The following NIM1K variants were observed in gnomAD, a reference collection of about 807,000 sequenced individuals.
NIM1K encodes serine/threonine-protein kinase NIM1.
NIM1K carries 35 observed loss-of-function variants against 37.1 expected under a neutral mutation model. That is an observed-to-expected ratio of 0.94 (90% CI 0.72 to 1.25). The LOEUF is 1.25. Among genes scored for constraint, NIM1K ranks in the 50% most tolerant of loss-of-function variants. The pLI, the probability that NIM1K is intolerant of heterozygous loss-of-function variation, is 0.00. For synonymous variants in NIM1K, 234 were observed against 206.6 expected, an observed-to-expected ratio of 1.13 and a Z score of -1.14; for missense variants, 564 against 548.0, an observed-to-expected ratio of 1.03 and a Z score of -0.29.
chr5:43,263,791 C>T (rs1753075345), intron 2 of NIM1K, among the ~76,000 whole-genome samples: 1 of 152,114 alleles, frequency 6.6e-6, no homozygotes, highest in South Asian at 2.1e-4. Context: ...CACTGCTTTA[C>T]ATGTATCCCA....
chr5:43,211,619 A>T lies in NIM1K; in HGVS notation c.-695+19208A>T, dbSNP rs988959755. Among the ~76,000 whole-genome samples the T allele has an allele frequency of 4.6e-5, 7 of 152,230 alleles. No homozygotes were observed. The South Asian group carries it at 8.3e-4, about 18-fold the overall frequency. On this transcript the variant is annotated intron_variant, in intron 1 of 3. Coordinates refer to ENST00000326035, the MANE Select transcript of NIM1K (RefSeq NM_153361.4). Reference sequence around the variant, plus strand: ...TGTGAGACCTCAAGTACTTGGAGACATCTCAAATATAGGGCATATGGAGGG... The same window carrying T: ...TGTGAGACCTCAAGTACTTGGAGACTTCTCAAATATAGGGCATATGGAGGG...
In NIM1K at chr5:43,232,524, G is replaced by C. The variant is rs1579969746; in HGVS notation, c.-694-12558G>C. The stretch of plus-strand genomic sequence containing the variant: ...GTATAGGTTGGGCGTTCAGTATCAA[G>C]GTTCTATGCCAGATATCATAAGTGG... On this transcript the variant is annotated intron_variant, in intron 1 of 3. Coordinates refer to ENST00000326035, the MANE Select transcript of NIM1K (RefSeq NM_153361.4). 1.0e-5 allele frequency: 16 copies of C among 1,571,188 alleles called. No individual in the cohort carries two copies. The South Asian group carries it at 1.8e-4, about 18-fold the overall frequency.
chr5:43,275,722 C>A (rs940120306), intron 2 of NIM1K, among the ~76,000 whole-genome samples: 1 of 151,988 alleles, frequency 6.6e-6, no homozygotes, highest in African/African-American at 2.4e-5. Flanking sequence ...GATTACAGTA[C>A]ATTGGGGCTC....
chr5:43,231,891 G>A, intron 1 of NIM1K: 3 of 1,092,136 alleles, frequency 2.7e-6, no homozygotes, highest in South Asian at 1.2e-5. Context: ...CTCAAGGGCA[G>A]TCATGTCCTC....
At chr5:43,209,960 C>T (rs1246133094) in intron 1 of NIM1K, among the ~76,000 whole-genome samples, 4 of 152,118 alleles carry the variant, frequency 2.6e-5, no homozygotes, top group Non-Finnish European at 5.9e-5. Context: ...TCAATTCAGC[C>T]AGTGGTTACA....
At chr5:43,217,263 G>T (rs1752313473) in intron 1 of NIM1K, among the ~76,000 whole-genome samples, 1 of 152,048 alleles carries the variant, frequency 6.6e-6, no homozygotes, top group Non-Finnish European at 1.5e-5. Flanking sequence ...TTAATGTAAT[G>T]TTTTCAAGAG....
chr5:43,216,007 C>T (rs999627733), intron 1 of NIM1K, among the ~76,000 whole-genome samples: 3 of 151,426 alleles, frequency 2.0e-5, no homozygotes, highest in African/African-American at 7.4e-5. Flanking sequence ...AGGCACTCCC[C>T]GGAGGCTTTT....
intron 1 of NIM1K, among the ~76,000 whole-genome samples, chr5:43,230,355 A>G (rs1039295654): frequency 1.3e-5 from 2 of 152,044 alleles, no homozygotes; most frequent in African/African-American, 4.8e-5. Context: ...TAGCAGGAAG[A>G]TGGGAAGAAG....
intron 1 of NIM1K, among the ~76,000 whole-genome samples, chr5:43,241,587 C>T (rs1050712041): frequency 6.6e-6 from 1 of 151,998 alleles, no homozygotes; most frequent in African/African-American, 2.4e-5. Context: ...GATCCCCCAC[C>T]TCAGCCTCCC....
At chr5:43,256,318 C>G (rs1752946116) in intron 2 of NIM1K, among the ~76,000 whole-genome samples, 1 of 152,148 alleles carries the variant, frequency 6.6e-6, no homozygotes, top group African/African-American at 2.4e-5. Context: ...TGAGAAGTGG[C>G]TGGAGCTTGG....
chr5:43,249,215 G>C (rs1178499121), intron 2 of NIM1K, among the ~76,000 whole-genome samples: 1 of 151,810 alleles, frequency 6.6e-6, no homozygotes, highest in Non-Finnish European at 1.5e-5. Context: ...GACTACAGGT[G>C]CCCGCCACCA....
intron 2 of NIM1K, among the ~76,000 whole-genome samples, chr5:43,260,604 A>G (rs1753012876): frequency 6.6e-6 from 1 of 151,984 alleles, no homozygotes; most frequent in Non-Finnish European, 1.5e-5. Context: ...AGAGAGAGAG[A>G]GAGCACAGAT....
intron 2 of NIM1K, among the ~76,000 whole-genome samples, chr5:43,274,736 G>T (rs143915073): frequency 3.7e-4 from 57 of 152,290 alleles, no homozygotes; most frequent in African/African-American, 1.3e-3. Flanking sequence ...GCTGGCTGCC[G>T]CAGACACCAG....
In NIM1K at chr5:43,280,428, T is replaced by C; in HGVS notation, c.1010T>C (p.Phe337Ser). Reference protein sequence around the residue: ...GVPYPTPLEPFQLDPKHLSET... With the variant: ...GVPYPTPLEPSQLDPKHLSET... ...CCATACCCTACACCTTTGGAACCTT[T>C]CCAACTGGATCCCAAACATTTGTCG... The change falls in exon 4 of 4, where the codon TTC becomes TCC. Residue 337 changes from phenylalanine to serine, a missense_variant. Physicochemically the swap from Phe to Ser is radical, Grantham distance 155. Transcript: ENST00000326035. 6.2e-7 allele frequency: 1 copy of C among 1,614,112 alleles called. No individual in the cohort carries two copies. Among genetic ancestry groups the C allele is most frequent in the South Asian group, 1.1e-5 (1 of 91,078 alleles).
At chr5:43,230,878 C>T (rs564329449) in intron 1 of NIM1K, among the ~76,000 whole-genome samples, 26 of 152,244 alleles carry the variant, frequency 1.7e-4, no homozygotes, top group Non-Finnish European at 2.8e-4. Context: ...TGTACAAGTA[C>T]GCACTACGTG....
chr5:43,229,966 G>A (rs770541355), intron 1 of NIM1K, among the ~76,000 whole-genome samples: 10 of 151,656 alleles, frequency 6.6e-5, no homozygotes, highest in African/African-American at 1.2e-4. Flanking sequence ...CTTTAAGAGC[G>A]AAGACTTCCT....
chr5:43,252,804 G>A (rs750806370), intron 2 of NIM1K, among the ~76,000 whole-genome samples: 3 of 152,066 alleles, frequency 2.0e-5, no homozygotes, highest in Non-Finnish European at 4.4e-5. Flanking sequence ...AATATTTTAT[G>A]TCCCATCTGT....
chr5:43,205,612 T>A (rs534210074), intron 1 of NIM1K, among the ~76,000 whole-genome samples: 5 of 152,146 alleles, frequency 3.3e-5, no homozygotes, highest in South Asian at 4.2e-4. Context: ...TTAAAAAAAA[T>A]GGCTACTCTC....
At chr5:43,273,995 T>C (rs540962719) in intron 2 of NIM1K, among the ~76,000 whole-genome samples, 3 of 152,340 alleles carry the variant, frequency 2.0e-5, no homozygotes, top group South Asian at 2.1e-4. Context: ...TAGCTCTTCA[T>C]GGAATAGCAG....
Sources: gnomAD v4.1 joint callset for allele counts (sites outside exome capture counted in the v4.1 genomes callset) on GRCh38, gnomAD v4.1.1 for gene constraint, MANE v1.5 for transcripts, NCBI Gene and HGNC (gene_info 2026-07-23, HGNC 2026-07-21) for gene names.